The following HENMT1 variants were observed in gnomAD, a reference collection of about 807,000 sequenced individuals.
HENMT1 encodes HEN methyltransferase 1.
HENMT1 carries 27 observed loss-of-function variants against 31.1 expected under a neutral mutation model. That is an observed-to-expected ratio of 0.87 (90% CI 0.64 to 1.20). The LOEUF (loss-of-function observed/expected upper bound fraction) is 1.20. Ranked by LOEUF, HENMT1 falls within the 50% of genes most tolerant of loss-of-function variation. The pLI is 0.00. For synonymous variants in HENMT1, 167 were observed against 172.2 expected, an observed-to-expected ratio of 0.97 and a Z score of 0.24; for missense variants, 438 against 469.6, an observed-to-expected ratio of 0.93 and a Z score of 0.62.
rs1470112012 is a variant in HENMT1, at chr1:108,648,614, T to A, written c.1134A>T (p.Ala378=). ...AATAATTACGCAGGTCAGCCACCACTGCAGAACCATCACTGCTCAGAGGAA... is the reference window on the plus strand; with the variant it reads ...AATAATTACGCAGGTCAGCCACCACAGCAGAACCATCACTGCTCAGAGGAA... ...DSIPLSSDGS[A]VVADLRNYFD... is the part of the protein sequence containing the mutation. Residue 378 remains alanine (A), a synonymous_variant, in exon 8 of 8, where the codon GCA becomes GCT. Coordinates refer to ENST00000651461, the MANE Select transcript of HENMT1 (RefSeq NM_001102592.2). The A allele has an allele frequency of 6.2e-7, 1 of 1,614,258 alleles. No homozygotes were observed. Among genetic ancestry groups the A allele is most frequent in the Non-Finnish European group, 8.5e-7 (1 of 1,180,040 alleles).
chr1:108,660,121 C>CAAAAAAAAA (rs34387673), intron 1 of HENMT1, among the ~76,000 whole-genome samples, 159 bp from the exon 2 acceptor site: 1 of 125,970 alleles, frequency 7.9e-6, no homozygotes, highest in African/African-American at 3.1e-5. Flanking sequence ...TCTGAGTACT[C>CAAAAAAAAA]AAAAAAAAAA....
Position 108,657,510 on chromosome 1 carries a change from G to C in HENMT1, c.91C>G (p.Leu31Val), listed in dbSNP as rs1658281913. ...ACGAACTGGTACCGCTGTCTGTATAGTGGAGGTTTAAACTGAATTGCCGTC... is the reference window on the plus strand; with the variant it reads ...ACGAACTGGTACCGCTGTCTGTATACTGGAGGTTTAAACTGAATTGCCGTC... ...RETAIQFKPP[L>V]YRQRYQFVKN... The change falls in exon 3 of 8, where the codon CTA (leucine) becomes GTA (valine). Residue 31 changes from leucine to valine, a missense_variant. By Grantham distance (32) the Leu-to-Val change is conservative (BLOSUM62 1). Coordinates refer to ENST00000651461, the MANE Select transcript of HENMT1 (RefSeq NM_001102592.2). 6.2e-7 allele frequency: 1 copy of C among 1,611,250 alleles called. No individual in the cohort carries two copies. Among genetic ancestry groups the C allele is most frequent in the East Asian group, 2.2e-5 (1 of 44,862 alleles).
chr1:108,654,388 AG>A (rs1483570028), intron 5 of HENMT1, among the ~76,000 whole-genome samples: 1 of 152,178 alleles, frequency 6.6e-6, no homozygotes, highest in Admixed American at 6.5e-5. Flanking sequence ...TAATTGATTC[AG>A]GAAAAAAAAT....
chr1:108,659,705 A>G (rs1008940921), intron 2 of HENMT1, among the ~76,000 whole-genome samples, 159 bp downstream of exon 2: 14 of 152,240 alleles, frequency 9.2e-5, no homozygotes, highest in Non-Finnish European at 1.3e-4. Context: ...CATACACCAA[A>G]TGTGACTCTT....
intron 7 of HENMT1, among the ~76,000 whole-genome samples, chr1:108,649,634 A>G (rs1229458026): frequency 6.6e-6 from 1 of 152,098 alleles, no homozygotes; most frequent in African/African-American, 2.4e-5. Flanking sequence ...TAAAATTTTT[A>G]AAGAGGGGGA....
At chr1:108,653,824 C>CTTTGCAAGTATTCATCAAGTA (rs1553183407) in intron 5 of HENMT1, among the ~76,000 whole-genome samples, 1 of 152,152 alleles carries the variant, frequency 6.6e-6, no homozygotes, top group Admixed American at 6.6e-5. Context: ...TTGATGAATA[C>CTTTGCAAGTATTCATCAAGTA]TTTGCAAGTA....
intron 2 of HENMT1, 67 bp from the exon 3 acceptor site, chr1:108,657,646 CAAAA>C: frequency 2.7e-6 from 3 of 1,117,590 alleles, no homozygotes; most frequent in Non-Finnish European, 1.2e-6. Context: ...AAATAAGGGG[CAAAA>C]AAAAAAAAAC....
In HENMT1 at chr1:108,650,357, A is replaced by C. The variant is rs1173760684; in HGVS notation, c.610T>G (p.Ser204Ala). 6.2e-7 allele frequency: 1 copy of C among 1,613,842 alleles called. No individual in the cohort carries two copies. Among genetic ancestry groups the C allele is most frequent in the Non-Finnish European group, 8.5e-7 (1 of 1,179,970 alleles). Residue 204 changes from serine to alanine, a missense_variant, in exon 7 of 8, where the codon TCT (serine) becomes GCT (alanine). Ser to Ala is a moderately conservative substitution (Grantham distance 99). Coordinates refer to ENST00000651461, the MANE Select transcript of HENMT1 (RefSeq NM_001102592.2). Reference protein sequence around the residue: ...ALYVANRYDYSVEFTGVGEPP... With the variant: ...ALYVANRYDYAVEFTGVGEPP... ...TCCCCGACACCAGTAAACTCCACAG[A>C]GTAATCATAGCGATTTGCCACATAT...
At position 108,648,783 on chromosome 1, in the gene HENMT1, T is replaced by G. The variant is rs767410712; in HGVS notation, c.965A>C (p.Glu322Ala). 2.5e-6 allele frequency: 4 copies of G among 1,614,206 alleles called. No individual in the cohort carries two copies. The highest frequency in any genetic ancestry group is 2.5e-6 in the Non-Finnish European group (3 of 1,180,042). Residue 322 changes from glutamate to alanine, a missense_variant, in exon 8 of 8, where the codon GAG becomes GCG. Glu to Ala is a moderately radical substitution (Grantham distance 107). Coordinates refer to ENST00000651461, the MANE Select transcript of HENMT1 (RefSeq NM_001102592.2). ...PCFGPVFTEV[E>A]KAKIENSPTP... is the part of the protein sequence containing the mutation. The stretch of plus-strand genomic sequence containing the variant: ...GGGAGAGTTCTCTATCTTGGCCTTC[T>G]CAACCTCTGTGAAGACTGGTCCAAA...
At chr1:108,658,379 C>A (rs756522109) in intron 2 of HENMT1, among the ~76,000 whole-genome samples, 5 of 152,118 alleles carry the variant, frequency 3.3e-5, no homozygotes, top group African/African-American at 7.2e-5. Flanking sequence ...GTGATCCACC[C>A]GCCTTGGCCT....
At position 108,661,007 on chromosome 1, in the gene HENMT1, T is replaced by C. The variant is rs1360524212; in HGVS notation, c.-123A>G. The C allele has an allele frequency of 7.1e-6, 7 of 984,798 alleles. No homozygotes were observed. Among genetic ancestry groups the C allele is most frequent in the Non-Finnish European group, 8.4e-6 (7 of 829,800 alleles). 61.0% of individuals were successfully genotyped at this position (984,798 alleles called of 1,614,324 possible). On this transcript the variant is annotated 5_prime_UTR_variant, in exon 1 of 8. An upstream start codon of the reference 5' UTR is lost. Coordinates refer to ENST00000651461, the MANE Select transcript of HENMT1 (RefSeq NM_001102592.2). The stretch of plus-strand genomic sequence containing the variant: ...TTTGTACGGGCCGTCGCTTCCATCA[T>C]CCTGCGGTAAGCAGCATGCCCAACC...
intron 7 of HENMT1, chr1:108,649,473 G>A (rs1341402870): frequency 2.3e-5 from 10 of 436,476 alleles, no homozygotes; most frequent in Non-Finnish European, 3.7e-5. Context: ...AAAAAAAGCT[G>A]AGCATGGTGG....
At chr1:108,661,412 C>T (rs1658481353), upstream of HENMT1, 1 of 152,304 alleles carries the variant, frequency 6.6e-6, no homozygotes, top group African/African-American at 2.4e-5. Context: ...CACGGTACGG[C>T]AGCTGTTGGC....
intron 7 of HENMT1, chr1:108,649,354 A>G (rs1295553772): frequency 1.5e-5 from 7 of 461,944 alleles, no homozygotes; most frequent in Non-Finnish European, 3.0e-5. Context: ...TAATCTCAGC[A>G]TTTTAGGAAG....
chr1:108,650,736 C>T (rs1658026120), intron 6 of HENMT1, among the ~76,000 whole-genome samples: 1 of 152,162 alleles, frequency 6.6e-6, no homozygotes, highest in Admixed American at 6.6e-5. Flanking sequence ...CGGGGAGGGG[C>T]ATGAGGCTCA....
chr1:108,660,042 CCT>C (rs938147602), intron 1 of HENMT1, 80 bp from the exon 2 acceptor site: 3 of 689,770 alleles, frequency 4.3e-6, no homozygotes, highest in African/African-American at 3.8e-5. Context: ...AGAACGAAAG[CCT>C]CTTTCTTACT....
At chr1:108,653,135 T>TC (rs751356404) in intron 5 of HENMT1, among the ~76,000 whole-genome samples, 11 of 151,428 alleles carry the variant, frequency 7.3e-5, no homozygotes, top group Non-Finnish European at 1.5e-4. Context: ...TGCCTCAGCC[T>TC]CCCAAGTAGC....
chr1:108,655,777 G>A, intron 3 of HENMT1, 79 bp from the exon 4 acceptor site: 1 of 773,788 alleles, frequency 1.3e-6, no homozygotes, highest in Non-Finnish European at 2.2e-6. Flanking sequence ...TTGAGGAGGA[G>A]AGAGTGGAGT....
At chr1:108,654,234 T>C (rs1658144769) in intron 5 of HENMT1, among the ~76,000 whole-genome samples, 1 of 152,220 alleles carries the variant, frequency 6.6e-6, no homozygotes, top group African/African-American at 2.4e-5. Flanking sequence ...TTCTGTTCCA[T>C]TGGTCTATGT....
Sources: allele counts gnomAD v4.1 joint callset (sites outside exome capture counted in the v4.1 genomes callset), GRCh38; gene constraint gnomAD v4.1.1; transcripts MANE v1.5; gene names NCBI Gene and HGNC (gene_info 2026-07-23, HGNC 2026-07-21).